The following NDUFV3 variants were observed in gnomAD, a reference collection of about 807,000 sequenced individuals.
The protein encoded by NDUFV3 is NADH dehydrogenase [ubiquinone] flavoprotein 3, mitochondrial.
Under a neutral mutation model 37.5 loss-of-function variants are expected in NDUFV3, and 44 were observed. That is an observed-to-expected ratio of 1.17 (90% CI 0.92 to 1.51). The LOEUF is 1.51. Ranked by LOEUF, NDUFV3 falls within the 40% of genes most tolerant of loss-of-function variation. NDUFV3 has a pLI of 0.00. For synonymous variants in NDUFV3, 235 were observed against 239.3 expected (o/e 0.98, Z 0.17); for missense variants, 580 against 580.4 (o/e 1.00, Z 0.01).
rs759145572 is a variant in NDUFV3 at position 42,896,877 on chromosome 21, A to G, written c.49-50A>G. The G allele has an allele frequency of 4.4e-5, 69 of 1,566,202 alleles. No homozygotes were observed. The South Asian group carries it at 7.1e-4, about 16-fold the overall frequency. On this transcript the variant is annotated intron_variant, in intron 1 of 3. Transcript: ENST00000354250. Reference sequence around the variant, plus strand: ...TATATATTCATATATAGTACCAGCTATTATAATGGCATTACTCTAAACATC... The same window carrying G: ...TATATATTCATATATAGTACCAGCTGTTATAATGGCATTACTCTAAACATC...
intron 2 of NDUFV3, among the ~76,000 whole-genome samples, chr21:42,899,099 G>A (rs2146152372): frequency 6.6e-6 from 1 of 152,258 alleles, no homozygotes; most frequent in East Asian, 1.9e-4. Context: ...GGGCCCTGCA[G>A]GCCTCTGAGC....
chr21:42,896,792 T>G, intron 1 of NDUFV3, 135 bp from the exon 2 acceptor site: 3 of 815,752 alleles, frequency 3.7e-6, no homozygotes, highest in Non-Finnish European at 3.7e-6. Flanking sequence ...TGAGCCATGA[T>G]TGTGCCACTG....
At chr21:42,897,142 G>A (rs1214948270) in intron 2 of NDUFV3, 95 bp downstream of exon 2, 15 of 1,384,536 alleles carry the variant, frequency 1.1e-5, no homozygotes, top group South Asian at 2.4e-5. Flanking sequence ...TACTAGCTAC[G>A]TAATTTATGC....
In NDUFV3 at chr21:42,903,671, A is replaced by G; in HGVS notation, c.659A>G (p.Asp220Gly). The G allele has an allele frequency of 6.2e-7, 1 of 1,614,092 alleles. No individual in the cohort carries two copies. The highest frequency in any genetic ancestry group is 8.5e-7 in the Non-Finnish European group (1 of 1,180,034). Residue 220 changes from aspartate (D) to glycine (G), a missense_variant, in exon 3 of 4, where the codon GAT (aspartate) becomes GGT (glycine). Asp to Gly is a moderately conservative substitution (Grantham distance 94). Transcript: ENST00000354250. ...CAGAAGCCGCATGTGGACATTACTG[A>G]TCCAGAGAAGCCCCACCAGCCAAAG... The part of the protein sequence containing the change: ...LLQKPHVDIT[D>G]PEKPHQPKKK...
chr21:42,901,372 G>T (rs1355484940), intron 2 of NDUFV3, among the ~76,000 whole-genome samples: 3 of 152,024 alleles, frequency 2.0e-5, no homozygotes, highest in Non-Finnish European at 4.4e-5. Flanking sequence ...AACCCAGGAG[G>T]TGGAGGTTGC....
Position 42,909,044 on chromosome 21 carries a change from CCTTCCACCGT to C in NDUFV3, c.*28_*37del. 6.2e-7 allele frequency: 1 copy of C among 1,610,952 alleles called. No homozygotes were observed. The highest frequency in any genetic ancestry group is 8.5e-7 in the Non-Finnish European group (1 of 1,178,462). ...TGAGGGCCCTCGGTGTGAAGATGAA[CCTTCCACCGT>C]CTTCACTGCATCCTGGAGTGCAAAA... is the stretch of plus-strand genomic sequence containing the variant. On this transcript the variant is annotated 3_prime_UTR_variant, in exon 4 of 4. Coordinates refer to ENST00000354250, the MANE Select transcript of NDUFV3 (RefSeq NM_021075.4).
intron 1 of NDUFV3, among the ~76,000 whole-genome samples, chr21:42,894,441 T>TA (rs1239413190): frequency 1.8e-5 from 1 of 56,222 alleles, no homozygotes; most frequent in Non-Finnish European, 2.9e-5. Flanking sequence ...ATATATTATA[T>TA]AATATATATA....
In NDUFV3 at chr21:42,903,663, C is replaced by G; in HGVS notation, c.651C>G (p.Asp217Glu). 4 of 1,614,082 alleles carry G rather than the reference C, an allele frequency of 2.5e-6. No homozygotes were observed. Among genetic ancestry groups the G allele is most frequent in the Non-Finnish European group, 3.4e-6 (4 of 1,180,016 alleles). Residue 217 changes from aspartate (D) to glutamate (E), a missense_variant, in exon 3 of 4, where the codon GAC (aspartate) becomes GAG (glutamate). Coordinates refer to ENST00000354250, the MANE Select transcript of NDUFV3 (RefSeq NM_021075.4). ...EKTLLQKPHV[D>E]ITDPEKPHQP... ...CCTTGCTGCAGAAGCCGCATGTGGA[C>G]ATTACTGATCCAGAGAAGCCCCACC...
rs1251774436 is a variant in NDUFV3 at position 42,911,762 on chromosome 21, T to A, written c.*2741T>A. ...GTAGGTGTAACCATTTTAATGTACCTACAACTTTTCTATCCTGCTATTTGC... is the reference window on the plus strand; with the variant it reads ...GTAGGTGTAACCATTTTAATGTACCAACAACTTTTCTATCCTGCTATTTGC... On this transcript the variant is annotated 3_prime_UTR_variant, in exon 4 of 4. Transcript: ENST00000354250. 4 of 152,192 alleles carry A rather than the reference T, an allele frequency of 2.6e-5. No homozygotes were observed. Among genetic ancestry groups the A allele is most frequent in the African/African-American group, 9.7e-5 (4 of 41,436 alleles). 9.4% of individuals were successfully genotyped at this position (152,192 alleles called of 1,614,324 possible). A position where few individuals can be genotyped will look rare whatever the true frequency, so the allele number is the denominator to read the frequency against.
chr21:42,910,409 G>A lies in NDUFV3; in HGVS notation c.*1388G>A, dbSNP rs2058764911. ...AGTATTTTACCATCAGAAAAGGAAGGGAATTGTTTTGTTTGCCTCTGTTAG... is the reference window on the plus strand; with the variant it reads ...AGTATTTTACCATCAGAAAAGGAAGAGAATTGTTTTGTTTGCCTCTGTTAG... On this transcript the variant is annotated 3_prime_UTR_variant, in exon 4 of 4. Coordinates refer to ENST00000354250, the MANE Select transcript of NDUFV3 (RefSeq NM_021075.4). 1 of 152,328 alleles carries A rather than the reference G, an allele frequency of 6.6e-6. No individual in the cohort carries two copies. The highest frequency in any genetic ancestry group is 1.5e-5 in the Non-Finnish European group (1 of 68,126). The allele number at this position is 152,328 out of a possible 1,614,324, so 9.4% of individuals were successfully genotyped here. A position where few individuals can be genotyped will look rare whatever the true frequency, so the allele number is the denominator to read the frequency against.
At chr21:42,906,796 T>G (rs1450644674) in intron 3 of NDUFV3, 1 of 501,802 alleles carries the variant, frequency 2.0e-6, no homozygotes, top group Non-Finnish European at 3.9e-6. Context: ...TGGTCAGTTA[T>G]CACCCTCCCT....
chr21:42,907,003 T>G, intron 3 of NDUFV3: 1 of 418,360 alleles, frequency 2.4e-6, no homozygotes, highest in Non-Finnish European at 4.8e-6. Context: ...GTTATTTTTT[T>G]GTGGAGCATG....
At chr21:42,907,294 ATTT>A (rs573112955) in intron 3 of NDUFV3, among the ~76,000 whole-genome samples, 1 of 151,992 alleles carries the variant, frequency 6.6e-6, no homozygotes. Flanking sequence ...TTCAAAAAAA[ATTT>A]TTTATTTGAC....
intron 2 of NDUFV3, among the ~76,000 whole-genome samples, chr21:42,897,956 G>A (rs369807050): frequency 8.5e-5 from 13 of 152,344 alleles, no homozygotes; most frequent in South Asian, 8.3e-4. Context: ...AATTACAGGC[G>A]TGAGCCACCG....
Position 42,911,466 on chromosome 21 carries a change from T to A in NDUFV3, c.*2445T>A, listed in dbSNP as rs2058770539. The A allele has an allele frequency of 1.8e-5, 2 of 113,930 alleles. No homozygotes were observed. Among genetic ancestry groups the A allele is most frequent in the African/African-American group, 6.6e-5 (2 of 30,122 alleles). 7.1% of individuals were successfully genotyped at this position (113,930 alleles called of 1,614,324 possible). A position where few individuals can be genotyped will look rare whatever the true frequency, so the allele number is the denominator to read the frequency against. On this transcript the variant is annotated 3_prime_UTR_variant, in exon 4 of 4. Coordinates refer to ENST00000354250, the MANE Select transcript of NDUFV3 (RefSeq NM_021075.4). ...TTTTTTTTTTTTTTTTTTTTTTTTT[T>A]TTTTGAGACAGCCTCACTCTTGCCC...
chr21:42,905,044 C>G (rs982882828), intron 3 of NDUFV3, among the ~76,000 whole-genome samples: 2 of 152,200 alleles, frequency 1.3e-5, no homozygotes, highest in Non-Finnish European at 2.9e-5. Context: ...CTGCCTCGGC[C>G]TCCCAAAGTG....
At chr21:42,906,878 G>T (rs780876680) in intron 3 of NDUFV3, 4 of 518,844 alleles carry the variant, frequency 7.7e-6, no homozygotes, top group African/African-American at 7.7e-5. Context: ...ACCTTGTGGA[G>T]ATTGGAAGGA....
intron 2 of NDUFV3, among the ~76,000 whole-genome samples, chr21:42,901,780 G>A (rs917921174): frequency 1.3e-5 from 2 of 152,182 alleles, no homozygotes; most frequent in Non-Finnish European, 2.9e-5. Flanking sequence ...GGACTGACCT[G>A]CCTGAGTCAT....
chr21:42,899,535 C>T (rs1328627846), intron 2 of NDUFV3, among the ~76,000 whole-genome samples: 3 of 152,176 alleles, frequency 2.0e-5, no homozygotes, highest in Non-Finnish European at 4.4e-5. Flanking sequence ...ACCTCCGCCT[C>T]CTGGGTTCAA....
Sources: allele counts gnomAD v4.1 joint callset (sites outside exome capture counted in the v4.1 genomes callset), GRCh38; gene constraint gnomAD v4.1.1; transcripts MANE v1.5; gene names NCBI Gene and HGNC (gene_info 2026-07-23, HGNC 2026-07-21).